NFAT5: variants seen among roughly 807,000 people sequenced by gnomAD.
NFAT5 encodes nuclear factor of activated T-cells 5.
Under a neutral mutation model 166.5 loss-of-function variants are expected in NFAT5, and 31 were observed. That is an observed-to-expected ratio of 0.19 (90% CI 0.14 to 0.25). NFAT5 has a LOEUF of 0.25. NFAT5 is among the 10% of genes least tolerant of loss of function. The pLI is 1.00. For synonymous variants in NFAT5, 612 were observed against 639.7 expected (o/e 0.96, Z 0.65); for missense variants, 1,449 against 1,821.8 (o/e 0.80, Z 3.72).
Position 69,696,582 on chromosome 16 carries a change from G to A in NFAT5, c.*231G>A, listed in dbSNP as rs1597581669. The A allele has an allele frequency of 6.6e-6, 1 of 152,560 alleles. No individual in the cohort carries two copies. Among genetic ancestry groups the A allele is most frequent in the Non-Finnish European group, 1.5e-5 (1 of 68,028 alleles). 9.5% of individuals were successfully genotyped at this position (152,560 alleles called of 1,614,324 possible). A position where few individuals can be genotyped will look rare whatever the true frequency, so the allele number is the denominator to read the frequency against. The stretch of plus-strand genomic sequence containing the variant: ...TATTCCTAATAACAGTGATGACTGA[G>A]AATCTATTTGAGTTTCCAGCTGGCA... On this transcript the variant is annotated 3_prime_UTR_variant, in exon 15 of 15. Transcript: ENST00000349945.
intron 9 of NFAT5, among the ~76,000 whole-genome samples, chr16:69,675,343 AC>A (rs912534402): frequency 1.3e-5 from 2 of 152,220 alleles, no homozygotes; most frequent in African/African-American, 4.8e-5. Flanking sequence ...TGTTCATTCA[AC>A]CATCTCCTTA....
In NFAT5 at chr16:69,687,752, T is replaced by G. The variant is rs1029857330; in HGVS notation, c.1774+2782T>G. ...TATAGGTGATATATTTATTTATATGTAATTTCTAATTGAATTATAATATAA... is the reference window on the plus strand; with the variant it reads ...TATAGGTGATATATTTATTTATATGGAATTTCTAATTGAATTATAATATAA... On this transcript the variant is annotated intron_variant, in intron 11 of 14. Coordinates refer to ENST00000349945, the MANE Select transcript of NFAT5 (RefSeq NM_138713.4). Among the ~76,000 whole-genome samples, 15 of 151,420 alleles carry G rather than the reference T, an allele frequency of 9.9e-5. 2 individuals are homozygous for G. The highest frequency in any genetic ancestry group is 3.9e-4 in the East Asian group (2 of 5,188).
At position 69,566,007 on chromosome 16, in the gene NFAT5, T is replaced by A; in HGVS notation, c.-295T>A. 3.4e-6 allele frequency: 1 copy of A among 295,340 alleles called. No individual in the cohort carries two copies. Among genetic ancestry groups the A allele is most frequent in the African/African-American group, 2.3e-5 (1 of 43,192 alleles). The allele number at this position is 295,340 out of a possible 1,614,324, so 18.3% of individuals were successfully genotyped here. On this transcript the variant is annotated 5_prime_UTR_variant, in exon 1 of 15. Transcript: ENST00000349945. The surrounding 1 kb of genome is among the most constrained non-coding windows in gnomAD (Gnocchi z 5.7). ...CGGCGGCGGTGGCGGCGACCGTCAG[T>A]TTTCGCTGAGGAGAAACACGAAACG...
In NFAT5 at chr16:69,684,874, T is replaced by G; in HGVS notation, c.1691-13T>G. On this transcript the variant is annotated splice_polypyrimidine_tract_variant and intron_variant, in intron 10 of 14. Transcript: ENST00000349945. ...GTAAATGTAGATAAATACATTAATC[T>G]TTTTTTTAATAGCAGCAGCTGGTGC... 6.5e-7 allele frequency: 1 copy of G among 1,543,470 alleles called. No individual in the cohort carries two copies.
In NFAT5 at chr16:69,642,742, G is replaced by T. The variant is rs183576933; in HGVS notation, c.254-4286G>T. ...TAAGGCAGGAGAATCGTTTGAACCC[G>T]GGAGGTGGAGGTTGCAGAGAGCCAA... On this transcript the variant is annotated intron_variant, in intron 3 of 14. Transcript: ENST00000349945. Among the ~76,000 whole-genome samples, 9 of 151,538 alleles carry T rather than the reference G, an allele frequency of 5.9e-5. No homozygotes were observed. The East Asian group carries it at 1.6e-3, about 26-fold the overall frequency.
Position 69,593,124 on chromosome 16 carries a change from T to G in NFAT5, c.127+24576T>G, listed in dbSNP as rs145863443. 3.3e-5 allele frequency among the ~76,000 whole-genome samples: 5 copies of G among 152,306 alleles called. No homozygotes were observed. The East Asian group carries it at 9.6e-4, about 29-fold the overall frequency. On this transcript the variant is annotated intron_variant, in intron 2 of 14. Transcript: ENST00000349945. ...GAATATTTTATGTATATACATACTC[T>G]TACTAACTATGAATACATAAATTAG...
chr16:69,653,542 T>A, intron 5 of NFAT5, 114 bp downstream of exon 5: 1 of 679,838 alleles, frequency 1.5e-6, no homozygotes, highest in Non-Finnish European at 2.3e-6. Flanking sequence ...ATATTTGATA[T>A]TTGAATTAGA....
chr16:69,621,009 C>T (rs2034171704), intron 2 of NFAT5, among the ~76,000 whole-genome samples: 1 of 152,174 alleles, frequency 6.6e-6, no homozygotes, highest in Non-Finnish European at 1.5e-5. Context: ...TTCTTGTTTA[C>T]AATAACTTAT....
At chr16:69,607,529 A>G (rs1346698059) in intron 2 of NFAT5, among the ~76,000 whole-genome samples, 1 of 152,238 alleles carries the variant, frequency 6.6e-6, no homozygotes, top group Non-Finnish European at 1.5e-5. Flanking sequence ...CTAATACTAG[A>G]ACCTTTATCC....
At position 69,566,395 on chromosome 16, in the gene NFAT5, TG is replaced by T. The variant is rs771353841; in HGVS notation, c.73+25del. On this transcript the variant is annotated intron_variant, in intron 1 of 14. Transcript: ENST00000349945. The surrounding 1 kb of genome is among the most constrained non-coding windows in gnomAD (Gnocchi z 5.7). The stretch of plus-strand genomic sequence containing the variant: ...GCGAGGTGAGTCAGGCTGTGGGGGG[TG>T]GGGCGTGGGGGCGGGGAGACAGGGA... 1.5e-5 allele frequency: 8 copies of T among 539,798 alleles called. No individual in the cohort carries two copies. The highest frequency in any genetic ancestry group is 2.6e-5 in the Non-Finnish European group (8 of 303,318). The allele number at this position is 539,798 out of a possible 1,614,324, so 33.4% of individuals were successfully genotyped here.
chr16:69,636,524 A>G (rs1448121326), intron 3 of NFAT5, among the ~76,000 whole-genome samples: 1 of 152,186 alleles, frequency 6.6e-6, no homozygotes, highest in Non-Finnish European at 1.5e-5. Flanking sequence ...CAGGGCATCC[A>G]GGGGTTTCCA....
chr16:69,622,773 G>C (rs906989635), intron 2 of NFAT5, among the ~76,000 whole-genome samples: 12 of 151,436 alleles, frequency 7.9e-5, no homozygotes, highest in African/African-American at 2.9e-4. Context: ...AAATGCATTT[G>C]GGTAGATCTT....
chr16:69,664,857 A>G (rs547774382), intron 7 of NFAT5, among the ~76,000 whole-genome samples: 1 of 152,142 alleles, frequency 6.6e-6, no homozygotes, highest in South Asian at 2.1e-4. Context: ...GAGAAAACCC[A>G]TCTCTGCTAA....
At chr16:69,637,949 G>C (rs531708388) in intron 3 of NFAT5, among the ~76,000 whole-genome samples, 2 of 152,076 alleles carry the variant, frequency 1.3e-5, no homozygotes, top group African/African-American at 2.4e-5. Context: ...GGCTGGGCAC[G>C]GTGGCTCACG....
rs141558347 is a variant in NFAT5, at chr16:69,658,318, A to C, written c.1197-1409A>C. Among the ~76,000 whole-genome samples the C allele has an allele frequency of 4.5e-4, 69 of 151,744 alleles. 1 individual carries two copies. The East Asian group carries it at 0.012, about 27-fold the overall frequency. ...GCCAACATGGCGAAACCCCATCTCT[A>C]CTAAAAATATAGAAATTAGCCAGGA... On this transcript the variant is annotated intron_variant, in intron 6 of 14. Transcript: ENST00000349945.
At chr16:69,571,218 C>G (rs1469809355) in intron 2 of NFAT5, among the ~76,000 whole-genome samples, 1 of 149,076 alleles carries the variant, frequency 6.7e-6, no homozygotes, top group East Asian at 2.0e-4. Flanking sequence ...GCAGGAGAAT[C>G]CCTTGAATCT....
At chr16:69,629,896 G>A (rs932624096) in intron 3 of NFAT5, among the ~76,000 whole-genome samples, 1 of 150,104 alleles carries the variant, frequency 6.7e-6, no homozygotes, top group Non-Finnish European at 1.5e-5. Flanking sequence ...AGTCTCCTGA[G>A]TAGCTGGGAA....
At chr16:69,668,208 G>A (rs921692967) in intron 7 of NFAT5, among the ~76,000 whole-genome samples, 1 of 151,948 alleles carries the variant, frequency 6.6e-6, no homozygotes, top group African/African-American at 2.4e-5. Flanking sequence ...TGACCTCCTC[G>A]AACTCCTGAC....
In NFAT5 at chr16:69,692,778, T is replaced by G. The variant is rs376867525; in HGVS notation, c.2953T>G (p.Ser985Ala). 1.2e-6 allele frequency: 2 copies of G among 1,614,192 alleles called. No individual in the cohort carries two copies. Among genetic ancestry groups the G allele is most frequent in the African/African-American group, 2.7e-5 (2 of 75,052 alleles). Residue 985 changes from serine (S) to alanine (A), a missense_variant, in exon 13 of 15, where the codon TCT (serine) becomes GCT (alanine). Physicochemically the swap from Ser to Ala is moderately conservative, Grantham distance 99 (BLOSUM62 1). Coordinates refer to ENST00000349945, the MANE Select transcript of NFAT5 (RefSeq NM_138713.4). ...SPPAVSGNET[S>A]TTTTQQVATP... is the part of the protein sequence containing the mutation. ...TCCTGCAGTTTCTGGAAATGAAACTTCTACAACTACCACACAGCAGGTTGC... is the reference window on the plus strand; with the variant it reads ...TCCTGCAGTTTCTGGAAATGAAACTGCTACAACTACCACACAGCAGGTTGC...
Sources: gnomAD v4.1 joint callset for allele counts (sites outside exome capture counted in the v4.1 genomes callset) on GRCh38, gnomAD v4.1.1 for gene constraint, Gnocchi (gnomAD v3.1) non-coding constraint, MANE v1.5 for transcripts, NCBI Gene and HGNC (gene_info 2026-07-23, HGNC 2026-07-21) for gene names.